GNAO1: variants seen among roughly 807,000 people sequenced by gnomAD.
The protein encoded by GNAO1 is G protein subunit alpha o1.
For synonymous variants in GNAO1, 164 were observed against 180.7 expected, an observed-to-expected ratio of 0.91 and a Z score of 0.74; for missense variants, 166 against 478.7, an observed-to-expected ratio of 0.35 and a Z score of 6.10.
intron 3 of GNAO1, among the ~76,000 whole-genome samples, chr16:56,312,571 A>T (rs2037471254): frequency 6.6e-6 from 1 of 152,172 alleles, no homozygotes; most frequent in Non-Finnish European, 1.5e-5. Flanking sequence ...CCTCGACCCC[A>T]ACTCTGACAA....
chr16:56,209,942 G>GT (rs1185889392), intron 2 of GNAO1, among the ~76,000 whole-genome samples: 2 of 152,052 alleles, frequency 1.3e-5, no homozygotes, highest in South Asian at 2.1e-4. Flanking sequence ...ACTCTTGGTG[G>GT]TGTACATTCT....
intron 3 of GNAO1, among the ~76,000 whole-genome samples, chr16:56,299,915 A>G (rs1425493305): frequency 1.3e-5 from 2 of 152,320 alleles, no homozygotes; most frequent in African/African-American, 2.4e-5. Flanking sequence ...TGTGGCTTAG[A>G]AACCACTCAG....
At chr16:56,211,991 G>A (rs549699825) in intron 2 of GNAO1, among the ~76,000 whole-genome samples, 14 of 152,288 alleles carry the variant, frequency 9.2e-5, no homozygotes, top group Admixed American at 7.8e-4. Context: ...GGAAAGGAAG[G>A]GACAAACTGC....
chr16:56,346,973 C>T (rs762223887), intron 6 of GNAO1: 26 of 985,322 alleles, frequency 2.6e-5, no homozygotes, highest in Non-Finnish European at 3.1e-5. Context: ...ACCTAACACT[C>T]TACAGTTAGC....
At chr16:56,216,503 G>A (rs1023674282) in intron 2 of GNAO1, among the ~76,000 whole-genome samples, 3 of 152,212 alleles carry the variant, frequency 2.0e-5, no homozygotes, top group African/African-American at 7.2e-5. Context: ...CCCAGCACCT[G>A]CTTCAGGCCA....
intron 3 of GNAO1, among the ~76,000 whole-genome samples, chr16:56,306,023 C>T (rs1430152230): frequency 1.3e-5 from 2 of 152,206 alleles, no homozygotes; most frequent in Admixed American, 6.5e-5. Context: ...GAACACAGTT[C>T]AGCTCCTAAC....
chr16:56,347,509 C>G, intron 6 of GNAO1: 1 of 985,304 alleles, frequency 1.0e-6, no homozygotes, highest in Non-Finnish European at 1.2e-6. Flanking sequence ...CTGGGGCCTC[C>G]AGACAGACCC....
chr16:56,253,742 C>G (rs1262969139), intron 2 of GNAO1, among the ~76,000 whole-genome samples: 1 of 152,188 alleles, frequency 6.6e-6, no homozygotes, highest in Non-Finnish European at 1.5e-5. Flanking sequence ...GGGCCATGCA[C>G]TTTGCCATCA....
intron 4 of GNAO1, among the ~76,000 whole-genome samples, chr16:56,333,483 T>G (rs1596870608): frequency 6.6e-6 from 1 of 152,236 alleles, no homozygotes; most frequent in Non-Finnish European, 1.5e-5. Flanking sequence ...GTGCTGGGAT[T>G]ACAGGCGTGA....
intron 2 of GNAO1, among the ~76,000 whole-genome samples, chr16:56,261,874 G>T: frequency 6.6e-6 from 1 of 152,108 alleles, no homozygotes; most frequent in South Asian, 2.1e-4. Context: ...AACGTCCAAG[G>T]GCTATGCAGC....
intron 2 of GNAO1, among the ~76,000 whole-genome samples, chr16:56,201,043 A>G (rs1449510160): frequency 3.9e-5 from 6 of 152,184 alleles, no homozygotes; most frequent in African/African-American, 1.4e-4. Context: ...GCATACACAC[A>G]GTGTCATGGA....
At chr16:56,295,962 C>G in intron 3 of GNAO1, among the ~76,000 whole-genome samples, 1 of 152,240 alleles carries the variant, frequency 6.6e-6, no homozygotes, top group African/African-American at 2.4e-5. Context: ...ATTCTCTTCC[C>G]GTACCTTCCA....
At chr16:56,313,089 A>G (rs1183179323) in intron 3 of GNAO1, among the ~76,000 whole-genome samples, 2 of 152,214 alleles carry the variant, frequency 1.3e-5, no homozygotes, top group Non-Finnish European at 2.9e-5. Flanking sequence ...ACTTTATACA[A>G]GTTCTTCACT....
intron 2 of GNAO1, chr16:56,194,379 G>A (rs2036211821): frequency 1.7e-5 from 7 of 417,596 alleles, no homozygotes; most frequent in South Asian, 5.0e-5. Flanking sequence ...CTCCCGAGGG[G>A]GGACGTTTTA....
At chr16:56,331,695 T>C (rs2037690258) in intron 4 of GNAO1, among the ~76,000 whole-genome samples, 1 of 152,168 alleles carries the variant, frequency 6.6e-6, no homozygotes, top group Non-Finnish European at 1.5e-5. Flanking sequence ...CCAAGCTCCA[T>C]CCCAGAAGCA....
intron 2 of GNAO1, among the ~76,000 whole-genome samples, chr16:56,260,784 G>A (rs1171208971): frequency 2.0e-5 from 3 of 152,160 alleles, no homozygotes; most frequent in Admixed American, 6.5e-5. Flanking sequence ...TGGGAAGCCT[G>A]GGAGCCGCGG....
At chr16:56,324,836 C>T (rs2037615327) in intron 3 of GNAO1, among the ~76,000 whole-genome samples, 1 of 152,242 alleles carries the variant, frequency 6.6e-6, no homozygotes, top group African/African-American at 2.4e-5. Flanking sequence ...TAGCTTCCTT[C>T]CCAGGACAGG....
intron 2 of GNAO1, among the ~76,000 whole-genome samples, chr16:56,255,855 G>A (rs1342147854): frequency 1.3e-5 from 2 of 152,062 alleles, no homozygotes; most frequent in Non-Finnish European, 2.9e-5. Context: ...TTGGAGATAG[G>A]TTTTCCATTT....
At chr16:56,347,168 T>G in intron 6 of GNAO1, 1 of 985,448 alleles carries the variant, frequency 1.0e-6, no homozygotes, top group Non-Finnish European at 1.2e-6. Context: ...CTCCTCCTTT[T>G]CAAGAAGTCT....
Sources: allele counts gnomAD v4.1 joint callset (sites outside exome capture counted in the v4.1 genomes callset), GRCh38; gene constraint gnomAD v4.1.1; transcripts MANE v1.5; gene names NCBI Gene and HGNC (gene_info 2026-07-23, HGNC 2026-07-21).